Variants in DMXL2 observed in about 807,000 individuals in gnomAD.
DMXL2 encodes Dmx like 2.
Under a neutral mutation model 331.1 loss-of-function variants are expected in DMXL2, and 103 were observed. The observed-to-expected ratio is 0.31, with a 90% confidence interval of 0.27 to 0.37. The LOEUF (loss-of-function observed/expected upper bound fraction) is 0.37. Ranked by LOEUF, DMXL2 falls within the 10% of genes least tolerant of loss-of-function variation. DMXL2 has a pLI of 1.00. For synonymous variants in DMXL2, 1,281 were observed against 1,252.1 expected (o/e 1.02, Z -0.49); for missense variants, 3,171 against 3,642.9 (o/e 0.87, Z 3.33).
intron 20 of DMXL2, 25 bp from the exon 21 acceptor site, chr15:51,488,670 T>C: frequency 6.4e-7 from 1 of 1,558,842 alleles, no homozygotes; most frequent in Non-Finnish European, 8.8e-7. Flanking sequence ...AAATATTAAA[T>C]TCACAATTTG....
At chr15:51,488,498 C>T in intron 21 of DMXL2, 50 bp downstream of exon 21, 2 of 1,482,264 alleles carry the variant, frequency 1.3e-6, no homozygotes, top group Non-Finnish European at 1.9e-6. Flanking sequence ...TTCTTACTCA[C>T]AGCACAATCT....
At chr15:51,551,018 G>A (rs768981887) in intron 6 of DMXL2, among the ~76,000 whole-genome samples, 10 of 151,840 alleles carry the variant, frequency 6.6e-5, no homozygotes, top group South Asian at 2.1e-4. Context: ...TAGCAGAGGC[G>A]GTGGAAAATG....
At chr15:51,604,462 G>A (rs1330137929) in intron 1 of DMXL2, among the ~76,000 whole-genome samples, 1 of 150,680 alleles carries the variant, frequency 6.6e-6, no homozygotes, top group Non-Finnish European at 1.5e-5. Context: ...GAATTTCTGT[G>A]CAGCCATGAA....
chr15:51,529,353 G>C (rs1567073861), intron 13 of DMXL2, among the ~76,000 whole-genome samples: 1 of 151,930 alleles, frequency 6.6e-6, no homozygotes, highest in Non-Finnish European at 1.5e-5. Flanking sequence ...AAATTGACAA[G>C]TTTTTTCCCA....
intron 20 of DMXL2, among the ~76,000 whole-genome samples, chr15:51,489,861 CTTTGA>C (rs754788086): frequency 6.6e-6 from 1 of 152,022 alleles, no homozygotes; most frequent in Non-Finnish European, 1.5e-5. Flanking sequence ...GTACATATCC[CTTTGA>C]TTTAATTTTA....
At chr15:51,488,523 C>T in intron 21 of DMXL2, 25 bp downstream of exon 21, 1 of 1,566,426 alleles carries the variant, frequency 6.4e-7, no homozygotes, top group Non-Finnish European at 8.8e-7. Flanking sequence ...TCTGTTGAAT[C>T]ACGTTAAGTG....
At chr15:51,453,670 A>G in intron 40 of DMXL2, 29 bp from the exon 41 acceptor site, 1 of 1,579,622 alleles carries the variant, frequency 6.3e-7, no homozygotes, top group Non-Finnish European at 8.7e-7. Flanking sequence ...AACTGATGTT[A>G]TTTTACCATT....
rs375972116 is a variant in DMXL2, at chr15:51,488,062, T to C, written c.5109A>G (p.Arg1703=). Residue 1703 remains arginine, a synonymous_variant, in exon 22 of 44, where the codon AGA becomes AGG. Coordinates refer to ENST00000560891, the MANE Select transcript of DMXL2 (RefSeq NM_001378457.1). ...CATTTTTCAAAGCAGCTTTTCGCCA[T>C]CTATCTTCATTAAAGTTGTGGCTGA... ...TFFSHNFNED[R]WRKAALKNAF... is the part of the protein sequence containing the mutation. 44 of 1,613,400 alleles carry C rather than the reference T, an allele frequency of 2.7e-5. No homozygotes were observed. Among genetic ancestry groups the C allele is most frequent in the Non-Finnish European group, 3.4e-5 (40 of 1,179,780 alleles).
At chr15:51,528,260 A>T (rs1157390722) in intron 13 of DMXL2, among the ~76,000 whole-genome samples, 1 of 152,158 alleles carries the variant, frequency 6.6e-6, no homozygotes, top group Non-Finnish European at 1.5e-5. Context: ...AATGGACTAA[A>T]TTCTCCAATC....
intron 1 of DMXL2, among the ~76,000 whole-genome samples, chr15:51,591,632 T>A (rs2052346035): frequency 6.6e-6 from 1 of 152,198 alleles, no homozygotes; most frequent in African/African-American, 2.4e-5. Context: ...GACTGCCTCC[T>A]CAAGTGGGTC....
intron 9 of DMXL2, among the ~76,000 whole-genome samples, chr15:51,539,541 G>A (rs2048473965): frequency 6.6e-6 from 1 of 152,086 alleles, no homozygotes; most frequent in African/African-American, 2.4e-5. Flanking sequence ...AGGTGTGGTG[G>A]CTCATGTCTG....
In DMXL2 at chr15:51,536,340, T is replaced by A. The variant is rs752047393; in HGVS notation, c.2140A>T (p.Thr714Ser). Reference protein sequence around the residue: ...KQPLRNAATRTFHDPNAIYSE... With the variant: ...KQPLRNAATRSFHDPNAIYSE... Reference sequence around the variant, plus strand: ...TAGATTGCATTTGGGTCATGAAATGTACGAGTTGCTGCATTTCTAAGAGGT... The same window carrying A: ...TAGATTGCATTTGGGTCATGAAATGAACGAGTTGCTGCATTTCTAAGAGGT... Residue 714 changes from threonine to serine, a missense_variant, in exon 12 of 44, where the codon ACA becomes TCA. Coordinates refer to ENST00000560891, the MANE Select transcript of DMXL2 (RefSeq NM_001378457.1). The A allele has an allele frequency of 1.2e-6, 2 of 1,614,020 alleles. No individual in the cohort carries two copies. The highest frequency in any genetic ancestry group is 1.1e-5 in the South Asian group (1 of 91,060).
At chr15:51,457,658 A>G in intron 36 of DMXL2, 192 bp from the exon 37 acceptor site, 2 of 563,146 alleles carry the variant, frequency 3.6e-6, no homozygotes, top group Non-Finnish European at 6.0e-6. Context: ...GGCAAAATGT[A>G]AATTTAGTCT....
At chr15:51,490,092 T>A (rs2042687386) in intron 20 of DMXL2, among the ~76,000 whole-genome samples, 1 of 152,226 alleles carries the variant, frequency 6.6e-6, no homozygotes, top group South Asian at 2.1e-4. Flanking sequence ...TTCCTGTACA[T>A]CAGAGATCAC....
At chr15:51,489,629 T>C (rs181174096) in intron 20 of DMXL2, among the ~76,000 whole-genome samples, 113 of 150,040 alleles carry the variant, frequency 7.5e-4, no homozygotes, top group Non-Finnish European at 1.4e-3. Flanking sequence ...CAATCCAGCC[T>C]GGGCGACAGT....
chr15:51,508,523 T>C (rs1264890341), intron 15 of DMXL2, among the ~76,000 whole-genome samples: 1 of 152,192 alleles, frequency 6.6e-6, no homozygotes, highest in African/African-American at 2.4e-5. Context: ...ATTTAAAAAA[T>C]GACTGCAACT....
intron 38 of DMXL2, 57 bp downstream of exon 38, chr15:51,456,252 T>TGGAA (rs2039613062): frequency 1.3e-6 from 2 of 1,598,858 alleles, no homozygotes; most frequent in Admixed American, 3.6e-5. Flanking sequence ...TATTTTCTAT[T>TGGAA]CTATAAATCA....
chr15:51,457,669 A>C (rs2039754040), intron 36 of DMXL2: 1 of 520,014 alleles, frequency 1.9e-6, no homozygotes, highest in Admixed American at 3.7e-5. Context: ...AATTTAGTCT[A>C]ATGTTGTTTG....
chr15:51,517,427 A>T (rs1343426260), intron 13 of DMXL2, among the ~76,000 whole-genome samples: 4 of 152,252 alleles, frequency 2.6e-5, no homozygotes, highest in Non-Finnish European at 5.9e-5. Context: ...GCAACCTTAA[A>T]GCCCAAGACA....
Sources: gnomAD v4.1 joint callset for allele counts (sites outside exome capture counted in the v4.1 genomes callset) on GRCh38, gnomAD v4.1.1 for gene constraint, MANE v1.5 for transcripts, NCBI Gene and HGNC (gene_info 2026-07-23, HGNC 2026-07-21) for gene names.